LPP: variants seen among roughly 807,000 people sequenced by gnomAD.
LPP encodes lipoma-preferred partner.
In LPP, 38 loss-of-function variants were observed where a neutral mutation model predicts 60.4. That is an observed-to-expected ratio of 0.63 (90% confidence interval 0.49 to 0.83). The LOEUF is 0.83. Among genes scored for constraint, LPP ranks in the 40% least tolerant of loss-of-function variants. LPP has a pLI of 0.00. For missense variants in LPP, 902 were observed against 783.6 expected (o/e 1.15, Z -1.80); for synonymous variants, 328 against 290.8 (o/e 1.13, Z -1.30).
intron 4 of LPP, among the ~76,000 whole-genome samples, chr3:188,461,227 A>G (rs754742519): frequency 1.3e-5 from 2 of 152,196 alleles, no homozygotes; most frequent in Non-Finnish European, 2.9e-5. Context: ...GGATATCAAG[A>G]TGTACAAGGG....
chr3:188,533,228 G>A (rs141156911), intron 6 of LPP, among the ~76,000 whole-genome samples: 7 of 152,242 alleles, frequency 4.6e-5, no homozygotes, highest in Non-Finnish European at 8.8e-5. Flanking sequence ...GCTTGCAAAC[G>A]CCATGAGGAG....
At chr3:188,701,795 G>C (rs1864464542) in intron 7 of LPP, among the ~76,000 whole-genome samples, 1 of 151,454 alleles carries the variant, frequency 6.6e-6, no homozygotes, top group African/African-American at 2.4e-5. Flanking sequence ...GTTAGAAGAT[G>C]TTTGCCAATA....
chr3:188,353,405 G>T (rs1182034940), intron 3 of LPP, among the ~76,000 whole-genome samples: 1 of 152,182 alleles, frequency 6.6e-6, no homozygotes, highest in East Asian at 1.9e-4. Context: ...TGTTCTCACC[G>T]AATTAGATTT....
At chr3:188,210,787 T>G (rs1290880208) in intron 1 of LPP, among the ~76,000 whole-genome samples, 1 of 152,150 alleles carries the variant, frequency 6.6e-6, no homozygotes, top group Admixed American at 6.5e-5. Flanking sequence ...CTCCTTTCTT[T>G]GCTGGAATGC....
At chr3:188,833,568 CTGGTT>C (rs924252014) in intron 9 of LPP, among the ~76,000 whole-genome samples, 1 of 152,146 alleles carries the variant, frequency 6.6e-6, no homozygotes, top group African/African-American at 2.4e-5. Flanking sequence ...GCAGGCAAAA[CTGGTT>C]TGGACATGCT....
intron 2 of LPP, among the ~76,000 whole-genome samples, chr3:188,323,858 T>G (rs1757620935): frequency 6.6e-6 from 1 of 152,182 alleles, no homozygotes; most frequent in Non-Finnish European, 1.5e-5. Context: ...GATTTTAGGG[T>G]TTTCTCCTGG....
intron 2 of LPP, among the ~76,000 whole-genome samples, chr3:188,336,757 C>T (rs1011448203): frequency 6.6e-6 from 1 of 152,106 alleles, no homozygotes; most frequent in African/African-American, 2.4e-5. Context: ...GAGTTGTTTT[C>T]CCTTTAGGCT....
At chr3:188,490,365 C>T (rs1807953288) in intron 5 of LPP, among the ~76,000 whole-genome samples, 1 of 152,152 alleles carries the variant, frequency 6.6e-6, no homozygotes, top group South Asian at 2.1e-4. Flanking sequence ...ATTCAAAGCT[C>T]ATATATGTGT....
At chr3:188,358,781 ATCTCTC>A (rs1464921329) in intron 3 of LPP, among the ~76,000 whole-genome samples, 1 of 152,154 alleles carries the variant, frequency 6.6e-6, no homozygotes, top group Non-Finnish European at 1.5e-5. Context: ...CATATTCGCA[ATCTCTC>A]TGGAGGTCAA....
At chr3:188,447,132 A>C (rs1795407678) in intron 4 of LPP, among the ~76,000 whole-genome samples, 1 of 152,222 alleles carries the variant, frequency 6.6e-6, no homozygotes, top group Non-Finnish European at 1.5e-5. Flanking sequence ...TATGCAATCA[A>C]TTCTGGCTTT....
chr3:188,636,229 C>T (rs1181403015), intron 7 of LPP, among the ~76,000 whole-genome samples: 1 of 152,200 alleles, frequency 6.6e-6, no homozygotes, highest in East Asian at 1.9e-4. Flanking sequence ...CAGGGCGAGG[C>T]ATTGCCTCAC....
intron 2 of LPP, among the ~76,000 whole-genome samples, chr3:188,228,546 G>T (rs1174754984): frequency 2.0e-5 from 3 of 152,148 alleles, no homozygotes; most frequent in Non-Finnish European, 4.4e-5. Context: ...TGCTTTGGGA[G>T]GCCATGGCAG....
chr3:188,657,258 G>GTGTGTATATATATATA (rs1553782707), intron 7 of LPP, among the ~76,000 whole-genome samples: 1 of 89,812 alleles, frequency 1.1e-5, no homozygotes, highest in African/African-American at 4.1e-5. Flanking sequence ...CTGTCAAGGT[G>GTGTGTATATATATATA]TATATATATA....
At chr3:188,694,626 C>G (rs1037329755) in intron 7 of LPP, among the ~76,000 whole-genome samples, 1 of 151,166 alleles carries the variant, frequency 6.6e-6, no homozygotes, top group Non-Finnish European at 1.5e-5. Flanking sequence ...CACTTGAACC[C>G]GGGAGTCAGA....
At chr3:188,191,799 C>T (rs56387490) in intron 1 of LPP, among the ~76,000 whole-genome samples, 28,056 of 152,114 alleles carry the variant, frequency 0.18, 3,484 homozygotes, top group East Asian at 0.57. Context: ...TCTTTTCCAG[C>T]AGTTAATATC....
chr3:188,446,044 T>G (rs534036498), intron 4 of LPP, among the ~76,000 whole-genome samples: 18 of 152,352 alleles, frequency 1.2e-4, no homozygotes, highest in African/African-American at 4.3e-4. Flanking sequence ...TCTTTTTCAG[T>G]AAGAGCCTTC....
chr3:188,765,033 C>G (rs1733572617), intron 9 of LPP, among the ~76,000 whole-genome samples: 2 of 152,160 alleles, frequency 1.3e-5, no homozygotes, highest in Admixed American at 1.3e-4. Context: ...TTAAAACATT[C>G]TAACTTGTCA....
intron 4 of LPP, among the ~76,000 whole-genome samples, chr3:188,423,252 A>T (rs1788351662): frequency 6.6e-6 from 1 of 152,106 alleles, no homozygotes; most frequent in African/African-American, 2.4e-5. Flanking sequence ...TTCCAGCTTC[A>T]TCCATGTCCC....
chr3:188,272,413 G>A lies in LPP; in HGVS notation c.-67+46886G>A, dbSNP rs574045556. Among the ~76,000 whole-genome samples, 18 of 152,280 alleles carry A rather than the reference G, an allele frequency of 1.2e-4. No homozygotes were observed. The South Asian group carries it at 2.1e-3, about 18-fold the overall frequency. ...TCCTCTTTGTGGGTGCCTGCTCACC[G>A]TAATATTAGGACCAAATTCTTTTGT... On this transcript the variant is annotated intron_variant, in intron 2 of 11. Transcript: ENST00000617246.
Sources: allele counts gnomAD v4.1 joint callset (sites outside exome capture counted in the v4.1 genomes callset), GRCh38; gene constraint gnomAD v4.1.1; transcripts MANE v1.5; gene names NCBI Gene and HGNC (gene_info 2026-07-23, HGNC 2026-07-21).